Variants in PKD1 observed in about 807,000 individuals in gnomAD.
The protein encoded by PKD1 is polycystin 1, transient receptor potential channel interacting.
In PKD1, 81 loss-of-function variants were observed where a neutral mutation model predicts 361.7. The ratio of observed to expected loss-of-function variants is 0.22; its 90% CI spans 0.19 to 0.27. PKD1 has a LOEUF of 0.27. Ranked by LOEUF, PKD1 falls within the 10% of genes least tolerant of loss-of-function variation. The pLI is 1.00. For missense variants in PKD1, 6,399 were observed against 6,118.3 expected (o/e 1.05, Z -1.53); for synonymous variants, 3,615 against 2,818.3 (o/e 1.28, Z -8.95).
chr16:2,113,875 G>A (rs1596573305), intron 11 of PKD1: 1 of 511,134 alleles, frequency 2.0e-6, no homozygotes, highest in East Asian at 3.5e-5. Flanking sequence ...ACACAGCAGA[G>A]GGCGTGAGAG....
In PKD1 at chr16:2,088,812, G is replaced by C. The variant is rs919027909; in HGVS notation, c.*915C>G. 35 of 706,216 alleles carry C rather than the reference G, an allele frequency of 5.0e-5. No individual in the cohort carries two copies. Among genetic ancestry groups the C allele is most frequent in the Non-Finnish European group, 7.6e-5 (33 of 435,736 alleles). The allele number at this position is 706,216 out of a possible 1,614,324, so 43.7% of individuals were successfully genotyped here. On this transcript the variant is annotated 3_prime_UTR_variant, in exon 46 of 46. Transcript: ENST00000262304. ...ATGCCCACAGAAGTGGTACACAGAA[G>C]CAGGCACAGCCAGCTCCGAGGGCCT...
At chr16:2,119,083 C>G (rs755809639) in intron 3 of PKD1, 31 bp downstream of exon 3, 2 of 1,092,678 alleles carry the variant, frequency 1.8e-6, no homozygotes, top group Non-Finnish European at 2.7e-6. Flanking sequence ...TGGGGTCCAG[C>G]CAGGACCCCA....
At position 2,102,554 on chromosome 16, in the gene PKD1, G is replaced by T; in HGVS notation, c.9028C>A (p.Leu3010Met). The change falls in exon 25 of 46, where the codon CTG (leucine) becomes ATG (methionine). Residue 3010 changes from leucine (L) to methionine (M), a missense_variant. Physicochemically the swap from Leu to Met is conservative, Grantham distance 15 (BLOSUM62 2). Transcript: ENST00000262304. ...AAGTACTGGCACAGGGACGTGTACA[G>T]GCCCACGGACACCTGCAGCGCCGAC... ...RWSALQVSVG[L>M]YTSLCQYFSE... 1.2e-6 allele frequency: 2 copies of T among 1,610,860 alleles called. No homozygotes were observed. Among genetic ancestry groups the T allele is most frequent in the Middle Eastern group, 2.1e-4 (1 of 4,756 alleles).
rs554089372 is a variant in PKD1 at position 2,103,662 on chromosome 16, C to T, written c.8395G>A (p.Ala2799Thr). 1.7e-4 allele frequency: 271 copies of T among 1,610,286 alleles called. No individual in the cohort carries two copies. The highest frequency in any genetic ancestry group is 4.8e-4 in the Admixed American group (29 of 60,010). Residue 2799 changes from alanine (A) to threonine (T), a missense_variant, in exon 23 of 46, where the codon GCC becomes ACC. Coordinates refer to ENST00000262304, the MANE Select transcript of PKD1 (RefSeq NM_001009944.3). ...DPRSLLCYGG[A>T]PGPGCHFSIP... ...GAGAAGTGGCAGCCAGGCCCTGGGG[C>T]GCCGCCATAGCACAGCAGGCTCCGC...
chr16:2,122,405 G>A (rs1169859250), intron 1 of PKD1, among the ~76,000 whole-genome samples: 1 of 152,192 alleles, frequency 6.6e-6, no homozygotes, highest in African/African-American at 2.4e-5. Flanking sequence ...CCTCCGGCAG[G>A]GCCACCACTT....
Position 2,114,156 on chromosome 16 carries a change from TCG to T in PKD1, c.2853+12_2853+13del. The T allele has an allele frequency of 6.2e-7, 1 of 1,600,874 alleles. No homozygotes were observed. The highest frequency in any genetic ancestry group is 8.5e-7 in the Non-Finnish European group (1 of 1,178,602). ...CTGCCTGGGGGCTGGTGGTGGAGCCTCGGCCATACTCACCACTAGGACTCCCT... is the reference window on the plus strand; with the variant it reads ...CTGCCTGGGGGCTGGTGGTGGAGCCTGCCATACTCACCACTAGGACTCCCT... On this transcript the variant is annotated intron_variant, in intron 11 of 45. Transcript: ENST00000262304.
At chr16:2,129,541 A>ATTTTT (rs71148122) in intron 1 of PKD1, among the ~76,000 whole-genome samples, 2 of 72,098 alleles carry the variant, frequency 2.8e-5, no homozygotes, top group Admixed American at 1.5e-4. Flanking sequence ...AGATCCTGTG[A>ATTTTT]TTTTTTTTTT....
At chr16:2,117,175 G>A (rs1461545160) in intron 6 of PKD1, 122 bp from the exon 7 acceptor site, 18 of 669,460 alleles carry the variant, frequency 2.7e-5, no homozygotes, top group Non-Finnish European at 4.1e-5. Flanking sequence ...GAGGCTCAGA[G>A]CCCGGAGACC....
At chr16:2,093,353 C>A in intron 37 of PKD1, 191 bp downstream of exon 37, 2 of 690,166 alleles carry the variant, frequency 2.9e-6, no homozygotes, top group African/African-American at 1.8e-5. Context: ...TGGAGCTGGG[C>A]CCTGGCAGGG....
rs776383013 is a variant in PKD1 at position 2,106,958 on chromosome 16, G to C, written c.7066-10C>G. ...CACTCCGGATCAGCACCTGGCGTGGGAGTGGGGTTACCTCCAACACAGGTC... is the reference window on the plus strand; with the variant it reads ...CACTCCGGATCAGCACCTGGCGTGGCAGTGGGGTTACCTCCAACACAGGTC... On this transcript the variant is annotated splice_polypyrimidine_tract_variant and intron_variant, in intron 16 of 45. Coordinates refer to ENST00000262304, the MANE Select transcript of PKD1 (RefSeq NM_001009944.3). This position sits in a 1 kb window ranked among gnomAD's most constrained non-coding sequence, Gnocchi z 6.5. 6 of 1,584,198 alleles carry C rather than the reference G, an allele frequency of 3.8e-6. No individual in the cohort carries two copies. The East Asian group carries it at 8.9e-5, about 24-fold the overall frequency.
chr16:2,116,512 C>T lies in PKD1; in HGVS notation c.1722+17G>A, dbSNP rs1024792131. 14 of 1,387,386 alleles carry T rather than the reference C, an allele frequency of 1.0e-5. No individual in the cohort carries two copies. The highest frequency in any genetic ancestry group is 5.7e-5 in the African/African-American group (4 of 69,946). The allele number at this position is 1,387,386 out of a possible 1,614,324, so 85.9% of individuals were successfully genotyped here. A position where few individuals can be genotyped will look rare whatever the true frequency, so the allele number is the denominator to read the frequency against. On this transcript the variant is annotated intron_variant, in intron 8 of 45. Coordinates refer to ENST00000262304, the MANE Select transcript of PKD1 (RefSeq NM_001009944.3). ...GCAGGCAGGAGGGCAGGTTGTAGAA[C>T]GTGGGGGGCCGACTACCTCCACGGG...
In PKD1 at chr16:2,103,692, C is replaced by G; in HGVS notation, c.8365G>C (p.Asp2789His). ...EEIVAQGKRSDPRSLLCYGGA... is the reference protein window; with the variant it reads ...EEIVAQGKRSHPRSLLCYGGA... ...CCATAGCACAGCAGGCTCCGCGGGT[C>G]CGAGCGCTTGCCCTGGGCCACGATC... Residue 2789 changes from aspartate to histidine, a missense_variant, in exon 23 of 46, where the codon GAC (aspartate) becomes CAC (histidine). By Grantham distance (81) the Asp-to-His change is moderately conservative (BLOSUM62 -1). Coordinates refer to ENST00000262304, the MANE Select transcript of PKD1 (RefSeq NM_001009944.3). 10 of 1,610,008 alleles carry G rather than the reference C, an allele frequency of 6.2e-6. No individual in the cohort carries two copies. The highest frequency in any genetic ancestry group is 7.6e-6 in the Non-Finnish European group (9 of 1,179,522).
At position 2,112,887 on chromosome 16, in the gene PKD1, C is replaced by T. The variant is rs1450710552; in HGVS notation, c.3062G>A (p.Gly1021Asp). ...VTVERMNRMQ[G>D]LQVSTVPAVL... ...GGCCGGCACTGTGGAGACCTGCAGA[C>T]CCTGCATCCTGTTCATCCGCTCCAC... Residue 1021 changes from glycine to aspartate, a missense_variant, in exon 13 of 46, where the codon GGT becomes GAT. Gly to Asp is a moderately conservative substitution (Grantham distance 94, BLOSUM62 -1). Transcript: ENST00000262304. The T allele has an allele frequency of 1.2e-6, 2 of 1,607,180 alleles. No homozygotes were observed. The highest frequency in any genetic ancestry group is 1.7e-6 in the Non-Finnish European group (2 of 1,179,706).
chr16:2,105,451 C>T lies in PKD1; in HGVS notation c.7887G>A (p.Ala2629=), dbSNP rs201902378. ...GCTGCCGCTCGTGCTTGGGCTCTGCCGCCACGTCCAGGGCCCGCTCGTACT... is the reference window on the plus strand; with the variant it reads ...GCTGCCGCTCGTGCTTGGGCTCTGCTGCCACGTCCAGGGCCCGCTCGTACT... The part of the protein sequence containing the change: ...LNEYERALDV[A]AEPKHERQHR... The change falls in exon 21 of 46, where the codon GCG becomes GCA. Residue 2629 remains alanine (A), a synonymous_variant. Coordinates refer to ENST00000262304, the MANE Select transcript of PKD1 (RefSeq NM_001009944.3). The T allele has an allele frequency of 7.3e-5, 117 of 1,593,716 alleles. No homozygotes were observed. The highest frequency in any genetic ancestry group is 9.3e-5 in the Non-Finnish European group (109 of 1,178,200).
At chr16:2,125,334 T>A (rs1456018071) in intron 1 of PKD1, among the ~76,000 whole-genome samples, 3 of 151,994 alleles carry the variant, frequency 2.0e-5, no homozygotes, top group African/African-American at 7.3e-5. Flanking sequence ...CAGCCTCTGA[T>A]ACAGGACGAG....
intron 43 of PKD1, 27 bp downstream of exon 43, chr16:2,090,857 C>T (rs763741124): frequency 1.2e-6 from 2 of 1,608,520 alleles, no homozygotes; most frequent in Admixed American, 1.7e-5. Context: ...GTGCGCCCAG[C>T]CCCGCGCCCA....
intron 1 of PKD1, among the ~76,000 whole-genome samples, chr16:2,126,308 G>T (rs1366095600): frequency 2.0e-5 from 3 of 152,262 alleles, no homozygotes; most frequent in Non-Finnish European, 2.9e-5. Context: ...CTCTGCCTGG[G>T]CACAAAGCCC....
At chr16:2,129,541 ATTTTTTTTT>A (rs71148122) in intron 1 of PKD1, among the ~76,000 whole-genome samples, 13 of 72,098 alleles carry the variant, frequency 1.8e-4, no homozygotes, top group Non-Finnish European at 2.5e-4. Flanking sequence ...AGATCCTGTG[ATTTTTTTTT>A]TTTTTTTTTT....
Position 2,108,907 on chromosome 16 carries a change from G to T in PKD1, c.6260C>A (p.Pro2087His). ...GTCCCAGTGGTAGGCCACACGCCGG[G>T]GGCTGGGGCTGGTGGCGGCCTCAAA... Reference protein sequence around the residue: ...AQFEAATSPSPRRVAYHWDFG... With the variant: ...AQFEAATSPSHRRVAYHWDFG... The change falls in exon 15 of 46, where the codon CCC becomes CAC. Residue 2087 changes from proline (P) to histidine (H), a missense_variant. By Grantham distance (77) the Pro-to-His change is moderately conservative (BLOSUM62 -2). Transcript: ENST00000262304. 1 of 1,585,500 alleles carries T rather than the reference G, an allele frequency of 6.3e-7. No homozygotes were observed. Among genetic ancestry groups the T allele is most frequent in the Non-Finnish European group, 8.6e-7 (1 of 1,167,592 alleles).
Sources: gnomAD v4.1 joint callset for allele counts (sites outside exome capture counted in the v4.1 genomes callset) on GRCh38, gnomAD v4.1.1 for gene constraint, Gnocchi (gnomAD v3.1) non-coding constraint, MANE v1.5 for transcripts, NCBI Gene and HGNC (gene_info 2026-07-23, HGNC 2026-07-21) for gene names.